TEX11: variants seen among roughly 807,000 people sequenced by gnomAD.
TEX11 encodes testis-expressed protein 11.
In TEX11, 7 loss-of-function variants were observed where a neutral mutation model predicts 84.4. The ratio of observed to expected loss-of-function variants is 0.08; its 90% CI spans 0.05 to 0.16. TEX11 has a LOEUF of 0.16. Among genes scored for constraint, TEX11 ranks in the 10% least tolerant of loss-of-function variants. The probability of loss-of-function intolerance (pLI) is 1.00; values close to 1 mark genes in which losing one functional copy is unlikely to be tolerated. For synonymous variants in TEX11, 264 were observed against 222.8 expected (o/e 1.18, Z -1.64); for missense variants, 551 against 660.5 (o/e 0.83, Z 1.82).
intron 9 of TEX11, among the ~76,000 whole-genome samples, chrX:70,792,203 G>A (rs1156264077): frequency 2.3e-5 from 2 of 86,104 alleles, no homozygotes; most frequent in African/African-American, 4.3e-5. Context: ...CAGGAGAATC[G>A]CTTTAACCCA....
At chrX:70,669,480 T>A (rs996343242) in intron 16 of TEX11, among the ~76,000 whole-genome samples, 12 of 112,700 alleles carry the variant, frequency 1.1e-4, no homozygotes, top group African/African-American at 3.9e-4. Context: ...CTGAAACAGT[T>A]AAATGCTAGC....
chrX:70,563,316 T>C (rs991783602), intron 25 of TEX11, among the ~76,000 whole-genome samples: 1 of 111,812 alleles, frequency 8.9e-6, no homozygotes, highest in African/African-American at 3.2e-5. Context: ...CTGGAAAACA[T>C]GTAAAGGAGA....
the TEX11 span, among the ~76,000 whole-genome samples, chrX:70,515,510 C>A: frequency 8.9e-6 from 1 of 112,278 alleles, no homozygotes; most frequent in Non-Finnish European, 1.9e-5. Context: ...TTTCTTAATC[C>A]AGTCTATCAC....
chrX:70,902,416 T>C (rs1219618008), intron 2 of TEX11, among the ~76,000 whole-genome samples: 1 of 111,988 alleles, frequency 8.9e-6, no homozygotes, highest in Non-Finnish European at 1.9e-5. Context: ...CTGTAGACTT[T>C]ATAAACTCTG....
intron 17 of TEX11, among the ~76,000 whole-genome samples, chrX:70,650,109 A>G (rs73220874): frequency 0.11 from 12,370 of 111,555 alleles, 584 homozygotes; most frequent in Middle Eastern, 0.19. Context: ...CTATAGAGAT[A>G]GAAGAGATTA....
chrX:70,694,716 G>A lies in TEX11; in HGVS notation c.1005-11891C>T, dbSNP rs774282550. Among the ~76,000 whole-genome samples, 7 of 112,186 alleles carry A rather than the reference G, an allele frequency of 6.2e-5. No homozygotes were observed. In the East Asian group the frequency reaches 2.0e-3, roughly 31 times the overall value. On this transcript the variant is annotated intron_variant, in intron 13 of 29. Coordinates refer to ENST00000374333, the MANE Select transcript of TEX11 (RefSeq NM_031276.3). ...TTGCTGTAACAGAATACCTAAGACT[G>A]TGTAATTTATAAAGAAAAGTTTATT...
At chrX:70,693,206 A>C (rs2090251575) in intron 13 of TEX11, among the ~76,000 whole-genome samples, 1 of 110,853 alleles carries the variant, frequency 9.0e-6, no homozygotes, top group African/African-American at 3.3e-5. Flanking sequence ...GCACCATTGC[A>C]CTCCAGCCTG....
chrX:70,621,914 A>G (rs1477912529), intron 20 of TEX11, among the ~76,000 whole-genome samples: 1 of 110,745 alleles, frequency 9.0e-6, no homozygotes, highest in Non-Finnish European at 1.9e-5. Flanking sequence ...GGAAGGGTCC[A>G]TTAATAAAAA....
At chrX:70,783,881 C>T (rs1334623011) in intron 9 of TEX11, among the ~76,000 whole-genome samples, 3 of 111,458 alleles carry the variant, frequency 2.7e-5, no homozygotes, top group African/African-American at 6.5e-5. Context: ...GACTCACAGC[C>T]GAATTCTACC....
At chrX:70,826,110 C>T (rs2091344159) in intron 8 of TEX11, among the ~76,000 whole-genome samples, 1 of 110,876 alleles carries the variant, frequency 9.0e-6, no homozygotes, top group East Asian at 2.8e-4. Flanking sequence ...TCGAGATCAG[C>T]CTGACCAACA....
intron 13 of TEX11, among the ~76,000 whole-genome samples, chrX:70,708,433 A>T (rs1308089739): frequency 8.9e-6 from 1 of 111,802 alleles, no homozygotes; most frequent in Non-Finnish European, 1.9e-5. Context: ...TAGACCCAGC[A>T]ATCCCATTAC....
chrX:70,672,756 T>A (rs1202469622), intron 15 of TEX11: 1 of 112,248 alleles, frequency 8.9e-6, no homozygotes, highest in African/African-American at 3.2e-5. Context: ...ATTGTATACA[T>A]GGTCTGAAAA....
intron 25 of TEX11, among the ~76,000 whole-genome samples, chrX:70,558,408 T>C (rs1190736855): frequency 9.0e-6 from 1 of 111,369 alleles, no homozygotes; most frequent in Non-Finnish European, 1.9e-5. Flanking sequence ...TCATAGCATA[T>C]ACAAGAATTA....
chrX:70,703,502 TTC>T (rs2034724245), intron 13 of TEX11, among the ~76,000 whole-genome samples: 1 of 110,969 alleles, frequency 9.0e-6, no homozygotes, highest in Non-Finnish European at 1.9e-5. Context: ...AGCTTGAACT[TTC>T]TCAATTACAC....
At chrX:70,792,833 C>T (rs1331922210) in intron 9 of TEX11, among the ~76,000 whole-genome samples, 1 of 110,926 alleles carries the variant, frequency 9.0e-6, no homozygotes, top group Non-Finnish European at 1.9e-5. Flanking sequence ...ATTCATTCTA[C>T]GATGCATCAT....
chrX:70,880,471 G>T (rs1303598661), intron 2 of TEX11, among the ~76,000 whole-genome samples: 1 of 110,874 alleles, frequency 9.0e-6, no homozygotes, highest in African/African-American at 3.3e-5. Flanking sequence ...GAGGTAGGAG[G>T]ATCACTTGAG....
At chrX:70,868,927 C>A (rs1211839016) in intron 4 of TEX11, among the ~76,000 whole-genome samples, 4 of 108,294 alleles carry the variant, frequency 3.7e-5, no homozygotes. Flanking sequence ...CTAATGCATG[C>A]GGGGCTTAAA....
At position 70,713,399 on chromosome X, in the gene TEX11, C is replaced by T. The variant is rs768987602; in HGVS notation, c.1004+9219G>A. Among the ~76,000 whole-genome samples, 12 of 111,756 alleles carry T rather than the reference C, an allele frequency of 1.1e-4. No individual in the cohort carries two copies. The East Asian group carries it at 3.1e-3, about 29-fold the overall frequency. On this transcript the variant is annotated intron_variant, in intron 13 of 29. Transcript: ENST00000374333. ...TCCTCCTTGTACCTTTGGTAGAATTCGGCTGTGAATCCATCTGGTCCTGGA... is the reference window on the plus strand; with the variant it reads ...TCCTCCTTGTACCTTTGGTAGAATTTGGCTGTGAATCCATCTGGTCCTGGA...
intron 13 of TEX11, among the ~76,000 whole-genome samples, chrX:70,699,651 A>G (rs2090309710): frequency 8.9e-6 from 1 of 111,866 alleles, no homozygotes; most frequent in Admixed American, 9.5e-5. Flanking sequence ...GAACAAAGTG[A>G]CCCATGAGGA....
Sources: gnomAD v4.1 joint callset for allele counts (sites outside exome capture counted in the v4.1 genomes callset) on GRCh38, gnomAD v4.1.1 for gene constraint, MANE v1.5 for transcripts, NCBI Gene and HGNC (gene_info 2026-07-23, HGNC 2026-07-21) for gene names.